Variants in ADAM2 observed in about 807,000 individuals in gnomAD.
ADAM2 encodes the protein ADAM metallopeptidase domain 2, also known as disintegrin and metalloproteinase domain-containing protein 2.
ADAM2 carries 101 observed loss-of-function variants against 99.3 expected under a neutral mutation model. That is an observed-to-expected ratio of 1.02 (90% CI 0.87 to 1.20). The LOEUF (loss-of-function observed/expected upper bound fraction) is 1.20, where lower values mean the gene tolerates loss of function less well. Ranked by LOEUF, ADAM2 falls within the 50% of genes most tolerant of loss-of-function variation. ADAM2 has a pLI of 0.00. For missense variants in ADAM2, 948 were observed against 878.7 expected, an observed-to-expected ratio of 1.08 and a Z score of -1.00; for synonymous variants, 323 against 287.6, an observed-to-expected ratio of 1.12 and a Z score of -1.25.
At chr8:39,821,816 G>A (rs1805200701) in intron 4 of ADAM2, among the ~76,000 whole-genome samples, 154 bp from the exon 5 acceptor site, 1 of 152,006 alleles carries the variant, frequency 6.6e-6, no homozygotes, top group Non-Finnish European at 1.5e-5. Context: ...CATATGGCTT[G>A]GTTTTCCAAA....
chr8:39,807,201 G>A (rs994421630), intron 7 of ADAM2, among the ~76,000 whole-genome samples: 1 of 152,150 alleles, frequency 6.6e-6, no homozygotes, highest in Non-Finnish European at 1.5e-5. Context: ...CTAGACTTTC[G>A]GACTTGCTTG....
intron 7 of ADAM2, 65 bp downstream of exon 7, chr8:39,809,345 C>A: frequency 2.8e-6 from 2 of 714,656 alleles, no homozygotes; most frequent in Non-Finnish European, 4.8e-6. Flanking sequence ...AAATATATTC[C>A]AAATTATTAT....
chr8:39,804,399 G>A (rs1202731596), intron 7 of ADAM2, among the ~76,000 whole-genome samples: 3 of 152,104 alleles, frequency 2.0e-5, no homozygotes, highest in African/African-American at 7.2e-5. Flanking sequence ...CATGGAAAAG[G>A]ACAATGCAAA....
At chr8:39,783,597 T>C (rs1803323642) in intron 10 of ADAM2, among the ~76,000 whole-genome samples, 1 of 152,184 alleles carries the variant, frequency 6.6e-6, no homozygotes, top group South Asian at 2.1e-4. Context: ...CTAACATGAC[T>C]ATATCTAAAG....
intron 19 of ADAM2, among the ~76,000 whole-genome samples, chr8:39,745,140 A>T (rs1823395548): frequency 6.6e-6 from 1 of 152,182 alleles, no homozygotes; most frequent in South Asian, 2.1e-4. Context: ...AGAAACTTAG[A>T]TCATTGTTAT....
intron 3 of ADAM2, among the ~76,000 whole-genome samples, chr8:39,826,664 A>G (rs190822615): frequency 6.6e-5 from 10 of 151,938 alleles, no homozygotes; most frequent in Non-Finnish European, 1.3e-4. Context: ...CAGAGCTTGC[A>G]GTGAGCCGAG....
At position 39,749,564 on chromosome 8, in the gene ADAM2, G is replaced by GGTGT. The variant is rs368362038; in HGVS notation, c.1875+99_1875+102dup. On this transcript the variant is annotated intron_variant, in intron 17 of 20. Coordinates refer to ENST00000265708, the MANE Select transcript of ADAM2 (RefSeq NM_001464.5). ...TAAGGCCAATTTTCCTATATGTTTT[G>GGTGT]GTGTGTGTGTGTGTGTGTGTGCGTG... 1.9e-4 allele frequency: 222 copies of GGTGT among 1,166,326 alleles called. 1 individual carries two copies. The highest frequency in any genetic ancestry group is 1.6e-3 in the African/African-American group (91 of 55,476). The allele number at this position is 1,166,326 out of a possible 1,614,324, so 72.2% of individuals were successfully genotyped here.
chr8:39,769,348 T>C (rs770265193), intron 12 of ADAM2, 44 bp downstream of exon 12: 2 of 1,470,542 alleles, frequency 1.4e-6, no homozygotes, highest in Admixed American at 2.0e-5. Flanking sequence ...AATAAGTAAT[T>C]TTTGCTGCAA....
chr8:39,799,707 C>G (rs533438693), intron 7 of ADAM2, among the ~76,000 whole-genome samples: 3 of 151,584 alleles, frequency 2.0e-5, no homozygotes, highest in African/African-American at 7.3e-5. Context: ...GCTTTATGAA[C>G]CTGGGTGCTC....
Position 39,818,529 on chromosome 8 carries a change from C to T in ADAM2, c.513+2473G>A, listed in dbSNP as rs190635875. Among the ~76,000 whole-genome samples the T allele has an allele frequency of 2.6e-5, 4 of 152,124 alleles. No homozygotes were observed. The East Asian group carries it at 7.7e-4, about 29-fold the overall frequency. ...TAAGATTGGGAAAAGATGAGAACAT[C>T]TCTTTTTCACCTATTCTATTCAACA... On this transcript the variant is annotated intron_variant, in intron 6 of 20. Transcript: ENST00000265708.
chr8:39,837,369 TTC>T (rs1563391167), intron 1 of ADAM2, among the ~76,000 whole-genome samples, 157 bp from the exon 2 acceptor site: 1 of 151,316 alleles, frequency 6.6e-6, no homozygotes, highest in Non-Finnish European at 1.5e-5. Context: ...AGGTTTTTTT[TTC>T]TGTTTTTCTG....
chr8:39,781,226 A>G (rs139260732), intron 10 of ADAM2, among the ~76,000 whole-genome samples: 1 of 152,238 alleles, frequency 6.6e-6, no homozygotes, highest in Non-Finnish European at 1.5e-5. Context: ...ATGTATACTT[A>G]TGTGAAAACA....
intron 3 of ADAM2, among the ~76,000 whole-genome samples, chr8:39,827,269 T>A (rs1028082983): frequency 4.6e-5 from 7 of 152,144 alleles, no homozygotes; most frequent in Non-Finnish European, 1.0e-4. Flanking sequence ...AGGGGAACAC[T>A]TCCACAATGT....
intron 14 of ADAM2, among the ~76,000 whole-genome samples, chr8:39,761,599 A>T (rs577822948): frequency 6.6e-5 from 10 of 152,320 alleles, no homozygotes; most frequent in Non-Finnish European, 1.5e-4. Context: ...CTTTTTTCAC[A>T]TAATTGACTT....
chr8:39,753,902 C>T (rs1354639832), intron 16 of ADAM2, among the ~76,000 whole-genome samples: 9 of 152,014 alleles, frequency 5.9e-5, no homozygotes, highest in Non-Finnish European at 1.2e-4. Flanking sequence ...TAAAAACCTG[C>T]CAACTTGCCC....
chr8:39,836,418 G>T (rs1347037486), intron 2 of ADAM2, among the ~76,000 whole-genome samples: 1 of 151,812 alleles, frequency 6.6e-6, no homozygotes, highest in Non-Finnish European at 1.5e-5. Flanking sequence ...ATATAGATAT[G>T]CATTCCTTTA....
rs1323177828 is a variant in ADAM2 at position 39,749,454 on chromosome 8, AAAG to A, written c.1876-7_1876-5del. 1.2e-6 allele frequency: 2 copies of A among 1,609,056 alleles called. No homozygotes were observed. Among genetic ancestry groups the A allele is most frequent in the Non-Finnish European group, 1.7e-6 (2 of 1,176,976 alleles). ...AGTGCTTTTTGTTATTGCATACCTA[AAAG>A]AAGGAGAAATATCACCTTATAAGAT... On this transcript the variant is annotated splice_polypyrimidine_tract_variant and splice_region_variant and intron_variant, in intron 17 of 20. Transcript: ENST00000265708.
intron 3 of ADAM2, among the ~76,000 whole-genome samples, chr8:39,828,722 A>G (rs1805507595): frequency 6.6e-6 from 1 of 151,896 alleles, no homozygotes. Context: ...CAAAGAGAAG[A>G]GAACAAAGAA....
At chr8:39,750,694 T>TA (rs1409112232) in intron 16 of ADAM2, among the ~76,000 whole-genome samples, 1 of 152,024 alleles carries the variant, frequency 6.6e-6, no homozygotes, top group Non-Finnish European at 1.5e-5. Context: ...ATATGCATAG[T>TA]AAAAAGAGAT....
Sources: allele counts gnomAD v4.1 joint callset (sites outside exome capture counted in the v4.1 genomes callset), GRCh38; gene constraint gnomAD v4.1.1; transcripts MANE v1.5; gene names NCBI Gene and HGNC (gene_info 2026-07-23, HGNC 2026-07-21).